The following TNRC18 variants were observed in gnomAD, a reference collection of about 807,000 sequenced individuals.
TNRC18 encodes the protein trinucleotide repeat-containing gene 18 protein.
A neutral mutation model predicts 226.7 loss-of-function variants in TNRC18; 69 were observed. The observed-to-expected ratio is 0.30, with a 90% CI of 0.25 to 0.37. The LOEUF (loss-of-function observed/expected upper bound fraction) is 0.37. Among genes scored for constraint, TNRC18 ranks in the 10% least tolerant of loss-of-function variants. The pLI, the probability that TNRC18 is intolerant of heterozygous loss-of-function variation, is 1.00. For missense variants in TNRC18, 4,754 were observed against 4,256.6 expected, an observed-to-expected ratio of 1.12 and a Z score of -3.25; for synonymous variants, 2,449 against 1,927.6, an observed-to-expected ratio of 1.27 and a Z score of -7.09.
chr7:5,368,802 G>A (rs889407370), intron 11 of TNRC18, among the ~76,000 whole-genome samples: 2 of 152,120 alleles, frequency 1.3e-5, no homozygotes, highest in Admixed American at 1.3e-4. Context: ...ACACTGGCAG[G>A]GATATCATCT....
At chr7:5,416,330 G>C (rs1213795235) in intron 2 of TNRC18, among the ~76,000 whole-genome samples, 2 of 150,766 alleles carry the variant, frequency 1.3e-5, no homozygotes, top group Admixed American at 6.6e-5. Flanking sequence ...CAGGAGAATG[G>C]TGTGAACCCG....
chr7:5,345,728 G>T lies in TNRC18; in HGVS notation c.5553C>A (p.Ala1851=), dbSNP rs1056406435. The change falls in exon 18 of 30, where the codon GCC becomes GCA. Residue 1851 remains alanine, a synonymous_variant. Coordinates refer to ENST00000430969, the MANE Select transcript of TNRC18 (RefSeq NM_001080495.3). The stretch of plus-strand genomic sequence containing the variant: ...GGCCCGGTGACAGGGCCCGCTCCCG[G>T]GCACCCAGCCTGTAGCCACCACCGC... ...EASGGGYRLG[A]RERALSPGLE... is the part of the protein sequence containing the mutation. 3.3e-5 allele frequency: 51 copies of T among 1,548,296 alleles called. No individual in the cohort carries two copies. The highest frequency in any genetic ancestry group is 3.5e-5 in the Non-Finnish European group (40 of 1,146,808).
intron 16 of TNRC18, among the ~76,000 whole-genome samples, chr7:5,356,126 T>C (rs925581110): frequency 1.4e-5 from 2 of 147,938 alleles, no homozygotes; most frequent in Non-Finnish European, 3.0e-5. Flanking sequence ...ATCGCACCAC[T>C]GCACTCCAGC....
intron 18 of TNRC18, 36 bp downstream of exon 18, chr7:5,345,526 A>ACCCCCCCCCCCCCCCCCCCACCCCC: frequency 5.6e-6 from 1 of 177,498 alleles, no homozygotes; most frequent in Non-Finnish European, 1.1e-5. Context: ...CGCCCCTCCC[A>ACCCCCCCCCCCCCCCCCCCACCCCC]CCCACCCCCA....
chr7:5,366,271 G>A lies in TNRC18; in HGVS notation c.4220-3446C>T, dbSNP rs141739477. Among the ~76,000 whole-genome samples, 123 of 142,504 alleles carry A rather than the reference G, an allele frequency of 8.6e-4. 1 individual carries two copies. In the East Asian group the frequency reaches 0.021, roughly 24 times the overall value. The allele number at this position is 142,504 out of a possible 152,430, so 93.5% of individuals were successfully genotyped here. ...TGTGGTTGCCAATGTCCCCTGGGGG[G>A]ACAAAATCATCCCTAGTTGAGAATG... On this transcript the variant is annotated intron_variant, in intron 11 of 29. Transcript: ENST00000430969.
intron 19 of TNRC18, chr7:5,330,079 C>T (rs1038476864): frequency 9.3e-6 from 4 of 430,568 alleles, no homozygotes; most frequent in South Asian, 5.1e-5. Context: ...TGGTAGGTGC[C>T]CCCCAACACA....
chr7:5,411,081 G>A (rs1236682707), intron 2 of TNRC18, among the ~76,000 whole-genome samples: 2 of 151,552 alleles, frequency 1.3e-5, no homozygotes, highest in South Asian at 4.2e-4. Flanking sequence ...GGTGGCACAT[G>A]CCTGTTAATC....
chr7:5,384,292 G>T (rs1236730420), intron 5 of TNRC18, among the ~76,000 whole-genome samples: 1 of 151,780 alleles, frequency 6.6e-6, no homozygotes, highest in Non-Finnish European at 1.5e-5. Context: ...GTAGAGACAA[G>T]GTCTTGCTAG....
chr7:5,336,026 G>GT (rs1790075945), intron 18 of TNRC18, among the ~76,000 whole-genome samples: 1 of 151,792 alleles, frequency 6.6e-6, no homozygotes, highest in Admixed American at 6.6e-5. Flanking sequence ...GGCCAACATG[G>GT]CAAAACCCCA....
intron 2 of TNRC18, among the ~76,000 whole-genome samples, chr7:5,404,825 C>T (rs1329925444): frequency 1.3e-5 from 2 of 151,016 alleles, no homozygotes; most frequent in Admixed American, 6.6e-5. Flanking sequence ...AAAAAGTATA[C>T]AGAAATGGCG....
chr7:5,420,730 T>C (rs1380160572), intron 2 of TNRC18: 1 of 577,164 alleles, frequency 1.7e-6, no homozygotes, highest in South Asian at 1.5e-5. Flanking sequence ...TTTGTTCTTT[T>C]CTCGCCCAGA....
At chr7:5,322,275 G>C (rs1025402269) in intron 21 of TNRC18, among the ~76,000 whole-genome samples, 1 of 91,172 alleles carries the variant, frequency 1.1e-5, no homozygotes, top group African/African-American at 3.8e-5. Flanking sequence ...GTCAGATTCC[G>C]TCTCAATAAT....
chr7:5,351,171 C>T (rs1473545190), intron 17 of TNRC18, among the ~76,000 whole-genome samples: 2 of 152,026 alleles, frequency 1.3e-5, no homozygotes, highest in Admixed American at 1.3e-4. Context: ...ACGGTCCCGT[C>T]CCTACTCCTT....
At chr7:5,328,485 C>G (rs977684130) in intron 19 of TNRC18, among the ~76,000 whole-genome samples, 15 of 150,414 alleles carry the variant, frequency 1.0e-4, no homozygotes, top group African/African-American at 3.2e-4. Context: ...CTGGGCAACA[C>G]AGTGAGACCA....
chr7:5,351,282 C>A (rs1344334504), intron 17 of TNRC18, among the ~76,000 whole-genome samples: 2 of 152,020 alleles, frequency 1.3e-5, no homozygotes, highest in African/African-American at 4.8e-5. Context: ...AGACAAGGCA[C>A]ACAGGTTTAG....
intron 18 of TNRC18, among the ~76,000 whole-genome samples, chr7:5,336,955 T>C (rs1361961394): frequency 6.6e-6 from 1 of 152,192 alleles, no homozygotes; most frequent in Non-Finnish European, 1.5e-5. Context: ...AAAAAATGCT[T>C]GAATATTTGC....
chr7:5,421,353 G>T lies in TNRC18; in HGVS notation c.-107C>A, dbSNP rs1356863055. 4.6e-6 allele frequency: 5 copies of T among 1,085,038 alleles called. No individual in the cohort carries two copies. The highest frequency in any genetic ancestry group is 5.8e-6 in the Non-Finnish European group (5 of 860,682). 67.2% of individuals were successfully genotyped at this position (1,085,038 alleles called of 1,614,324 possible). A position where few individuals can be genotyped will look rare whatever the true frequency, so the allele number is the denominator to read the frequency against. ...AGTCCCAGAGTCCTCGGGCGGCGGG[G>T]GCTCCGCGGCGTGCATGGCGGCGGC... On this transcript the variant is annotated 5_prime_UTR_variant, in exon 2 of 30. Transcript: ENST00000430969.
At chr7:5,354,450 C>G (rs1792137723) in intron 16 of TNRC18, among the ~76,000 whole-genome samples, 1 of 151,936 alleles carries the variant, frequency 6.6e-6, no homozygotes, top group Non-Finnish European at 1.5e-5. Flanking sequence ...CCCCCGACTT[C>G]CCTGAACCCC....
At chr7:5,314,909 G>A (rs1314889078) in intron 26 of TNRC18, 75 bp downstream of exon 26, 1 of 1,463,406 alleles carries the variant, frequency 6.8e-7, no homozygotes, top group Non-Finnish European at 9.2e-7. Flanking sequence ...CACTTCGGCA[G>A]GTTCCCAAGC....
Sources: gnomAD v4.1 joint callset for allele counts (sites outside exome capture counted in the v4.1 genomes callset) on GRCh38, gnomAD v4.1.1 for gene constraint, MANE v1.5 for transcripts, NCBI Gene and HGNC (gene_info 2026-07-23, HGNC 2026-07-21) for gene names.